The following ERMP1 variants were observed in gnomAD, a reference collection of about 807,000 sequenced individuals.
The protein encoded by ERMP1 is Felix-ina.
ERMP1 carries 86 observed loss-of-function variants against 92.0 expected under a neutral mutation model. The ratio of observed to expected loss-of-function variants is 0.93; its 90% CI spans 0.79 to 1.12. ERMP1 has a LOEUF of 1.12. Among genes scored for constraint, ERMP1 ranks in the 50% most tolerant of loss-of-function variants. The probability of loss-of-function intolerance (pLI) is 0.00; values close to 1 mark genes in which losing one functional copy is unlikely to be tolerated. For synonymous variants in ERMP1, 530 were observed against 412.8 expected (o/e 1.28, Z -3.44); for missense variants, 1,342 against 1,116.3 (o/e 1.20, Z -2.88).
chr9:5,832,917 C>A lies in ERMP1; in HGVS notation c.111G>T (p.Glu37Asp). 6.4e-7 allele frequency: 1 copy of A among 1,561,370 alleles called. No homozygotes were observed. The highest frequency in any genetic ancestry group is 8.6e-7 in the Non-Finnish European group (1 of 1,164,654). Residue 37 changes from glutamate to aspartate, a missense_variant, in exon 1 of 15, where the codon GAG becomes GAT. Physicochemically the swap from Glu to Asp is conservative, Grantham distance 45. Transcript: ENST00000339450. The part of the protein sequence containing the change: ...PPPEREARAQ[E>D]PLVDGCSGGG... ...CGCCGCTGCACCCATCCACCAGAGG[C>A]TCCTGCGCTCGGGCCTCCCTCTCCG... is the stretch of plus-strand genomic sequence containing the variant.
rs1827947455 is a variant in ERMP1 at position 5,786,629 on chromosome 9, A to T, written c.*515T>A. 1 of 156,106 alleles carries T rather than the reference A, an allele frequency of 6.4e-6. No homozygotes were observed. Among genetic ancestry groups the T allele is most frequent in the South Asian group, 1.9e-4 (1 of 5,138 alleles). 9.7% of individuals were successfully genotyped at this position (156,106 alleles called of 1,614,324 possible). A position where few individuals can be genotyped will look rare whatever the true frequency, so the allele number is the denominator to read the frequency against. On this transcript the variant is annotated 3_prime_UTR_variant, in exon 15 of 15. Transcript: ENST00000339450. Reference sequence around the variant, plus strand: ...GCTTGACACAGGCTACAGCCTCAAGAGTGCAATGCTTCTCTCCCAGCCCTA... The same window carrying T: ...GCTTGACACAGGCTACAGCCTCAAGTGTGCAATGCTTCTCTCCCAGCCCTA...
chr9:5,811,368 A>T, intron 6 of ERMP1, 45 bp from the exon 7 acceptor site: 4 of 1,433,076 alleles, frequency 2.8e-6, no homozygotes, highest in Non-Finnish European at 3.9e-6. Context: ...GGAAAAAGAT[A>T]AAAAGGCTGA....
chr9:5,834,715 G>GTGTGTA (rs1830063624), upstream of ERMP1, among the ~76,000 whole-genome samples: 1 of 146,856 alleles, frequency 6.8e-6, no homozygotes, highest in African/African-American at 2.6e-5. Context: ...GTGTGTGTGT[G>GTGTGTA]TGTGTGTGTG....
intron 1 of ERMP1, among the ~76,000 whole-genome samples, chr9:5,831,431 C>G (rs1829935058): frequency 6.6e-6 from 1 of 152,058 alleles, no homozygotes; most frequent in Non-Finnish European, 1.5e-5. Context: ...CATGGTGAAA[C>G]CCCATCTCTT....
At position 5,830,834 on chromosome 9, in the gene ERMP1, C is replaced by T; in HGVS notation, c.533G>A (p.Ser178Asn). The change falls in exon 2 of 15, where the codon AGC becomes AAC. Residue 178 changes from serine to asparagine, a missense_variant. Transcript: ENST00000339450. Reference sequence around the variant, plus strand: ...AACATTGGTGATGTTGTCATAATAGCTTGTAAAACCTCCCAAGAAATCAAT... The same window carrying T: ...AACATTGGTGATGTTGTCATAATAGTTTGTAAAACCTCCCAAGAAATCAAT... ...FSIDFLGGFT[S>N]YYDNITNVVV... 4.3e-6 allele frequency: 7 copies of T among 1,614,110 alleles called. No individual in the cohort carries two copies. Among genetic ancestry groups the T allele is most frequent in the Non-Finnish European group, 5.9e-6 (7 of 1,179,968 alleles).
chr9:5,859,533 G>A (rs1351612342), exon 6 of ERMP1, among the ~76,000 whole-genome samples: 2 of 152,212 alleles, frequency 1.3e-5, no homozygotes, highest in Admixed American at 6.5e-5. Flanking sequence ...GAAATGGCAA[G>A]TGGGCAACAT....
At chr9:5,796,369 A>C (rs1828426192) in intron 13 of ERMP1, among the ~76,000 whole-genome samples, 1 of 152,242 alleles carries the variant, frequency 6.6e-6, no homozygotes, top group Non-Finnish European at 1.5e-5. Context: ...CAATGGAAAG[A>C]ACAGTTTGGC....
chr9:5,811,242 A>G lies in ERMP1; in HGVS notation c.1196T>C (p.Met399Thr), dbSNP rs1182179750. 3 of 1,613,982 alleles carry G rather than the reference A, an allele frequency of 1.9e-6. No homozygotes were observed. The highest frequency in any genetic ancestry group is 2.2e-5 in the South Asian group (2 of 91,076). ...AAASKYRHGNMVFFDVLGLFV... is the reference protein window; with the variant it reads ...AAASKYRHGNTVFFDVLGLFV... ...CAGGCCCAGCACATCAAAGAAGACC[A>G]TGTTTCCATGTCGATACTTAGAAGC... The change falls in exon 7 of 15, where the codon ATG becomes ACG. Residue 399 changes from methionine (M) to threonine (T), a missense_variant. Met to Thr is a moderately conservative substitution (Grantham distance 81). Coordinates refer to ENST00000339450, the MANE Select transcript of ERMP1 (RefSeq NM_024896.3).
intron 2 of ERMP1, among the ~76,000 whole-genome samples, chr9:5,827,774 G>A (rs566913058): frequency 4.8e-4 from 73 of 152,018 alleles, no homozygotes; most frequent in African/African-American, 1.6e-3. Flanking sequence ...CAGAGATAGC[G>A]CCACTGCAGT....
At position 5,804,375 on chromosome 9, in the gene ERMP1, C is replaced by A. The variant is rs1325870689; in HGVS notation, c.1914+652G>T. ...AAACTCTGCATCACTGTCTTTTCTTCCCTCTGGGAATCCCAAGGGAAGAAA... is the reference window on the plus strand; with the variant it reads ...AAACTCTGCATCACTGTCTTTTCTTACCTCTGGGAATCCCAAGGGAAGAAA... On this transcript the variant is annotated intron_variant, in intron 10 of 14. Coordinates refer to ENST00000339450, the MANE Select transcript of ERMP1 (RefSeq NM_024896.3). 2.0e-5 allele frequency among the ~76,000 whole-genome samples: 3 copies of A among 152,070 alleles called. No homozygotes were observed. In the East Asian group the frequency reaches 5.8e-4, roughly 29 times the overall value.
chr9:5,811,374 G>A (rs377390133), intron 6 of ERMP1, 51 bp from the exon 7 acceptor site: 37 of 1,401,508 alleles, frequency 2.6e-5, no homozygotes, highest in Non-Finnish European at 3.7e-5. Flanking sequence ...AGATAAAAAG[G>A]CTGAATAAAC....
At chr9:5,840,946 T>C (rs1335672303) in intron 6 of ERMP1, among the ~76,000 whole-genome samples, 1 of 152,226 alleles carries the variant, frequency 6.6e-6, no homozygotes, top group East Asian at 1.9e-4. Flanking sequence ...TAATTTAAAG[T>C]TGATGAAAGG....
chr9:5,862,962 A>G (rs377746747), intron 5 of ERMP1, among the ~76,000 whole-genome samples: 3 of 152,254 alleles, frequency 2.0e-5, no homozygotes, highest in East Asian at 3.8e-4. Flanking sequence ...TTTATGTGCA[A>G]GAGGAAGAGA....
intron 7 of ERMP1, 110 bp from the exon 8 acceptor site, chr9:5,810,341 A>G (rs1829044253): frequency 2.9e-6 from 2 of 701,310 alleles, no homozygotes; most frequent in Non-Finnish European, 4.8e-6. Flanking sequence ...TCCCCACTGT[A>G]CTTGAAAAGT....
intron 5 of ERMP1, among the ~76,000 whole-genome samples, chr9:5,859,973 C>G (rs1830439547): frequency 6.6e-6 from 1 of 152,070 alleles, no homozygotes; most frequent in Non-Finnish European, 1.5e-5. Flanking sequence ...ATAAAGAATT[C>G]TTACATGCTA....
At chr9:5,806,756 C>T (rs1828888268) in intron 8 of ERMP1, among the ~76,000 whole-genome samples, 1 of 152,082 alleles carries the variant, frequency 6.6e-6, no homozygotes, top group Non-Finnish European at 1.5e-5. Context: ...GAACTTAATA[C>T]ATTTTAACAT....
intron 4 of ERMP1, among the ~76,000 whole-genome samples, chr9:5,816,460 A>G (rs1007687153): frequency 2.0e-5 from 3 of 152,218 alleles, no homozygotes; most frequent in East Asian, 1.9e-4. Flanking sequence ...CTGTTGATCA[A>G]CTTGGTTGGA....
intron 2 of ERMP1, among the ~76,000 whole-genome samples, chr9:5,828,591 A>C (rs979290618): frequency 1.3e-5 from 2 of 152,140 alleles, no homozygotes; most frequent in East Asian, 1.9e-4. Context: ...TTCTCTAAAA[A>C]TGTATTGTTT....
intron 6 of ERMP1, among the ~76,000 whole-genome samples, chr9:5,845,761 C>T (rs555381498): frequency 2.6e-5 from 4 of 152,196 alleles, no homozygotes; most frequent in African/African-American, 7.2e-5. Flanking sequence ...CAGGAGAGCA[C>T]GCCTTGCTAA....
Sources: gnomAD v4.1 joint callset for allele counts (sites outside exome capture counted in the v4.1 genomes callset) on GRCh38, gnomAD v4.1.1 for gene constraint, MANE v1.5 for transcripts, NCBI Gene and HGNC (gene_info 2026-07-23, HGNC 2026-07-21) for gene names.